The following CPEB1 variants were observed in gnomAD, a reference collection of about 807,000 sequenced individuals.
CPEB1 encodes the protein cytoplasmic polyadenylation element-binding protein 1.
In CPEB1, 7 loss-of-function variants were observed where a neutral mutation model predicts 65.8. That is an observed-to-expected ratio of 0.11 (90% CI 0.06 to 0.20). The LOEUF (loss-of-function observed/expected upper bound fraction) is 0.20, where lower values mean the gene tolerates loss of function less well. Among genes scored for constraint, CPEB1 ranks in the 10% least tolerant of loss-of-function variants. CPEB1 has a pLI of 1.00. For missense variants in CPEB1, 551 were observed against 712.2 expected, an observed-to-expected ratio of 0.77 and a Z score of 2.58; for synonymous variants, 262 against 260.0, an observed-to-expected ratio of 1.01 and a Z score of -0.08.
At chr15:82,647,487 A>ACG (rs2047673405), upstream of CPEB1, 1 of 195,924 alleles carries the variant, frequency 5.1e-6, no homozygotes, top group African/African-American at 2.3e-5. Context: ...CTCCCGTGCG[A>ACG]CGGCAGTGTG....
At chr15:82,581,204 G>C (rs111479642) in intron 3 of CPEB1, among the ~76,000 whole-genome samples, 3 of 152,144 alleles carry the variant, frequency 2.0e-5, no homozygotes, top group African/African-American at 7.2e-5. Flanking sequence ...CCAAACTCCT[G>C]GGCTCAAATG....
chr15:82,635,814 G>A (rs1230647724), intron 1 of CPEB1, among the ~76,000 whole-genome samples: 1 of 152,130 alleles, frequency 6.6e-6, no homozygotes, highest in Non-Finnish European at 1.5e-5. Context: ...TTTGGCTAGA[G>A]AATAATGAAA....
At chr15:82,648,041 G>A (rs899157310), upstream of CPEB1, 4 of 447,170 alleles carry the variant, frequency 8.9e-6, no homozygotes, top group Non-Finnish European at 1.4e-5. Flanking sequence ...GCCGGATGCG[G>A]AGCACCTGTG....
At chr15:82,582,819 G>A (rs867424590) in intron 3 of CPEB1, among the ~76,000 whole-genome samples, 19 of 136,980 alleles carry the variant, frequency 1.4e-4, no homozygotes, top group South Asian at 4.8e-4. Context: ...TGGACTCACC[G>A]CAAGCTCCGC....
intron 3 of CPEB1, among the ~76,000 whole-genome samples, chr15:82,609,501 A>G (rs903122926): frequency 1.3e-5 from 2 of 151,604 alleles, no homozygotes; most frequent in Non-Finnish European, 2.9e-5. Context: ...AGCCTGTCTC[A>G]GAAAAAAAAA....
intron 3 of CPEB1, among the ~76,000 whole-genome samples, chr15:82,574,161 C>T (rs2040387486): frequency 6.6e-6 from 1 of 152,322 alleles, no homozygotes; most frequent in Non-Finnish European, 1.5e-5. Context: ...CCTCACCTTC[C>T]TCCTTATCCA....
chr15:82,628,106 G>A, intron 2 of CPEB1: 2 of 669,970 alleles, frequency 3.0e-6, no homozygotes, highest in East Asian at 2.7e-5. Flanking sequence ...CCCCAATAGA[G>A]AGAAGGTCAT....
chr15:82,563,922 CA>C (rs2038672115), intron 4 of CPEB1, among the ~76,000 whole-genome samples: 1 of 151,918 alleles, frequency 6.6e-6, no homozygotes, highest in African/African-American at 2.4e-5. Flanking sequence ...AGAGGGAAAT[CA>C]AGCACAAGTA....
intron 3 of CPEB1, among the ~76,000 whole-genome samples, chr15:82,590,233 A>G (rs561827470): frequency 1.5e-5 from 2 of 136,442 alleles, no homozygotes; most frequent in South Asian, 5.0e-4. Flanking sequence ...AAAAAAAAAA[A>G]AAAAAAACAG....
intron 3 of CPEB1, among the ~76,000 whole-genome samples, chr15:82,574,658 G>T (rs1303391900): frequency 6.8e-6 from 1 of 146,856 alleles, no homozygotes; most frequent in Non-Finnish European, 1.5e-5. Flanking sequence ...GAAGGGGAGA[G>T]GTTGCAGTGA....
chr15:82,557,993 G>T lies in CPEB1; in HGVS notation c.461-7C>A. On this transcript the variant is annotated splice_polypyrimidine_tract_variant and splice_region_variant and intron_variant, in intron 4 of 12. Coordinates refer to ENST00000684509, the MANE Select transcript of CPEB1 (RefSeq NM_001365242.1). ...TTATGGAGCATGCTCAGTACTAGGA[G>T]GACAAAAAAGGAAACCTCATGACCT... The T allele has an allele frequency of 6.5e-7, 1 of 1,544,778 alleles. No individual in the cohort carries two copies. Among genetic ancestry groups the T allele is most frequent in the Non-Finnish European group, 8.7e-7 (1 of 1,143,598 alleles).
chr15:82,597,051 C>T (rs1238253113), intron 3 of CPEB1, among the ~76,000 whole-genome samples: 3 of 152,074 alleles, frequency 2.0e-5, no homozygotes, highest in Admixed American at 6.5e-5. Context: ...AGGCTGGGCA[C>T]GTTGGCTCAC....
chr15:82,626,555 C>G (rs1596127212), intron 3 of CPEB1, among the ~76,000 whole-genome samples: 1 of 152,210 alleles, frequency 6.6e-6, no homozygotes. Flanking sequence ...ATTAGGACAT[C>G]CACACCTCTT....
chr15:82,647,292 G>T lies in CPEB1; in HGVS notation c.-253C>A, dbSNP rs945700952. On this transcript the variant is annotated 5_prime_UTR_variant, in exon 1 of 13. Transcript: ENST00000684509. ...GTGACCTGCCCAGGATTGGGAAGCC[G>T]CACGAGGGGCTTGAGCCCTCCACCT... 4 of 152,198 alleles carry T rather than the reference G, an allele frequency of 2.6e-5. No individual in the cohort carries two copies. Among genetic ancestry groups the T allele is most frequent in the African/African-American group, 9.7e-5 (4 of 41,446 alleles). The allele number at this position is 152,198 out of a possible 1,614,324, so 9.4% of individuals were successfully genotyped here. A position where few individuals can be genotyped will look rare whatever the true frequency, so the allele number is the denominator to read the frequency against.
chr15:82,571,556 G>T, intron 3 of CPEB1, 24 bp from the exon 4 acceptor site: 1 of 1,604,462 alleles, frequency 6.2e-7, no homozygotes, highest in Non-Finnish European at 8.5e-7. Context: ...GAGCACAGCA[G>T]AAACCTCAGA....
intron 8 of CPEB1, 34 bp from the exon 9 acceptor site, chr15:82,552,650 T>A: frequency 1.2e-6 from 2 of 1,612,120 alleles, no homozygotes; most frequent in Non-Finnish European, 1.7e-6. Flanking sequence ...CGCATTAATA[T>A]CCCTTAGGTG....
At chr15:82,599,433 C>T (rs1303260659) in intron 3 of CPEB1, among the ~76,000 whole-genome samples, 1 of 151,822 alleles carries the variant, frequency 6.6e-6, no homozygotes, top group African/African-American at 2.4e-5. Flanking sequence ...AACCTTCTTC[C>T]TGAAAAAAAA....
intron 10 of CPEB1, chr15:82,548,578 A>T: frequency 2.8e-6 from 1 of 360,478 alleles, no homozygotes; most frequent in Non-Finnish European, 5.6e-6. Context: ...AGGTTAAAGG[A>T]TTCAGAGTGG....
chr15:82,581,545 T>C (rs2041283942), intron 3 of CPEB1, among the ~76,000 whole-genome samples: 1 of 152,208 alleles, frequency 6.6e-6, no homozygotes, highest in Non-Finnish European at 1.5e-5. Flanking sequence ...CCAGCAGCAG[T>C]ACCATTTTAC....
Sources: gnomAD v4.1 joint callset for allele counts (sites outside exome capture counted in the v4.1 genomes callset) on GRCh38, gnomAD v4.1.1 for gene constraint, MANE v1.5 for transcripts, NCBI Gene and HGNC (gene_info 2026-07-23, HGNC 2026-07-21) for gene names.